RPS3: variants seen among roughly 807,000 people sequenced by gnomAD.
The protein encoded by RPS3 is small ribosomal subunit protein uS3.
Under a neutral mutation model 25.8 loss-of-function variants are expected in RPS3, and 2 were observed. The observed-to-expected ratio is 0.08, with a 90% CI of 0.03 to 0.24. The LOEUF is 0.24. Ranked by LOEUF, RPS3 falls within the 10% of genes least tolerant of loss-of-function variation. The probability of loss-of-function intolerance (pLI) is 1.00; values close to 1 mark genes in which losing one functional copy is unlikely to be tolerated. For synonymous variants in RPS3, 114 were observed against 114.2 expected, an observed-to-expected ratio of 1.00 and a Z score of 0.01; for missense variants, 107 against 307.1, an observed-to-expected ratio of 0.35 and a Z score of 4.87.
intron 6 of RPS3, among the ~76,000 whole-genome samples, chr11:75,416,645 AC>A (rs1948402178): frequency 6.6e-6 from 1 of 151,866 alleles, no homozygotes; most frequent in African/African-American, 2.4e-5. Context: ...TTTAGTAGAG[AC>A]GGGGTTTCAC....
downstream of RPS3, among the ~76,000 whole-genome samples, chr11:75,408,467 T>G (rs142597686): frequency 3.3e-3 from 501 of 150,316 alleles, 7 homozygotes; most frequent in African/African-American, 0.012. Flanking sequence ...TGACAGACCC[T>G]GTCTCAAAAA....
At chr11:75,405,201 C>T (rs1340400321) in intron 6 of RPS3, 7 of 194,520 alleles carry the variant, frequency 3.6e-5, no homozygotes, top group Non-Finnish European at 7.4e-5. Flanking sequence ...CTCAGCCTCC[C>T]GAGTAGCTGG....
At chr11:75,405,086 C>T (rs182636819) in intron 6 of RPS3, 14 of 408,032 alleles carry the variant, frequency 3.4e-5, no homozygotes, top group African/African-American at 2.9e-4. Flanking sequence ...GAAGTTCCTG[C>T]TTTTACTCGT....
chr11:75,404,215 G>A lies in RPS3; in HGVS notation c.538+8G>A, dbSNP rs777197154. 6.2e-7 allele frequency: 1 copy of A among 1,608,838 alleles called. No homozygotes were observed. The highest frequency in any genetic ancestry group is 8.5e-7 in the Non-Finnish European group (1 of 1,176,002). ...ACGTGTTGCTCAGACAGGGTGAGCA[G>A]CTGAGAGTGCTTGGCAAAGGGCATT... On this transcript the variant is annotated splice_region_variant and intron_variant, in intron 5 of 6. Transcript: ENST00000531188. This position sits in a 1 kb window ranked among gnomAD's most constrained non-coding sequence, Gnocchi z 4.6.
At chr11:75,413,484 C>T (rs2135068178) in intron 6 of RPS3, among the ~76,000 whole-genome samples, 1 of 152,016 alleles carries the variant, frequency 6.6e-6, no homozygotes, top group East Asian at 2.0e-4. Context: ...TCTCTATCTC[C>T]TGACCTTGTG....
chr11:75,413,245 A>AT (rs1948371618), intron 6 of RPS3, among the ~76,000 whole-genome samples: 1 of 100,346 alleles, frequency 1.0e-5, no homozygotes, highest in African/African-American at 5.2e-5. Context: ...GTATATATAT[A>AT]TATATTTTTT....
At chr11:75,409,062 A>G (rs1358308170), downstream of RPS3, among the ~76,000 whole-genome samples, 2 of 152,078 alleles carry the variant, frequency 1.3e-5, no homozygotes, top group Non-Finnish European at 2.9e-5. Context: ...TTTCACTGCA[A>G]ACTCCACCTT....
downstream of RPS3, among the ~76,000 whole-genome samples, chr11:75,409,621 ATT>A (rs1400076580): frequency 8.7e-5 from 11 of 126,096 alleles, no homozygotes; most frequent in Admixed American, 8.0e-5. Flanking sequence ...CGATTTCTCA[ATT>A]TTTTCCCCAC....
At chr11:75,415,177 C>G (rs543321206) in intron 6 of RPS3, among the ~76,000 whole-genome samples, 1 of 152,176 alleles carries the variant, frequency 6.6e-6, no homozygotes, top group Admixed American at 6.5e-5. Flanking sequence ...ACTTGAGATG[C>G]GGGGAGAAGC....
At chr11:75,414,637 A>G (rs1948382556) in intron 6 of RPS3, among the ~76,000 whole-genome samples, 1 of 151,972 alleles carries the variant, frequency 6.6e-6, no homozygotes, top group African/African-American at 2.4e-5. Flanking sequence ...TAAATAAAAA[A>G]GGTTATTCTC....
downstream of RPS3, among the ~76,000 whole-genome samples, chr11:75,409,482 CAG>C (rs1199514384): frequency 1.6e-5 from 2 of 128,046 alleles, no homozygotes; most frequent in African/African-American, 6.0e-5. Flanking sequence ...GCACATGTTT[CAG>C]AGAGCACAGG....
chr11:75,401,802 G>C, intron 3 of RPS3, 69 bp downstream of exon 3: 1 of 886,376 alleles, frequency 1.1e-6, no homozygotes, highest in Non-Finnish European at 1.9e-6. Flanking sequence ...CTCTCAACTT[G>C]GAGACTTTAA....
chr11:75,417,967 C>T (rs1173245900), intron 6 of RPS3, among the ~76,000 whole-genome samples: 2 of 152,204 alleles, frequency 1.3e-5, no homozygotes, highest in Non-Finnish European at 2.9e-5. Context: ...AGCCTCGGCC[C>T]GGATCAAGAT....
downstream of RPS3, among the ~76,000 whole-genome samples, chr11:75,409,287 C>G (rs1225060700): frequency 1.4e-5 from 2 of 142,742 alleles, no homozygotes; most frequent in Admixed American, 7.1e-5. Flanking sequence ...AGCAGATAAA[C>G]AAGTGAACAA....
chr11:75,417,732 G>A (rs1240623146), intron 6 of RPS3, among the ~76,000 whole-genome samples: 1 of 152,222 alleles, frequency 6.6e-6, no homozygotes, highest in Non-Finnish European at 1.5e-5. Flanking sequence ...CCCCTCCTGG[G>A]CCCTCCTGAC....
At chr11:75,401,443 A>C (rs1290770536) in intron 2 of RPS3, among the ~76,000 whole-genome samples, 197 bp from the exon 3 acceptor site, 1 of 152,052 alleles carries the variant, frequency 6.6e-6, no homozygotes, top group Admixed American at 6.6e-5. Context: ...GGCTGCAGTG[A>C]GCCATTGGTG....
intron 6 of RPS3, among the ~76,000 whole-genome samples, chr11:75,420,014 A>C (rs561696081): frequency 6.6e-6 from 1 of 152,314 alleles, no homozygotes; most frequent in East Asian, 1.9e-4. Flanking sequence ...TCAAAAACTA[A>C]ATTTGAGTTC....
intron 2 of RPS3, among the ~76,000 whole-genome samples, chr11:75,401,110 C>G (rs1483973390): frequency 6.6e-6 from 1 of 152,144 alleles, no homozygotes; most frequent in African/African-American, 2.4e-5. Flanking sequence ...TCTGGATCTC[C>G]TGACCTCGTG....
At chr11:75,400,551 C>A in intron 1 of RPS3, 143 bp from the exon 2 acceptor site, 1 of 1,208,866 alleles carries the variant, frequency 8.3e-7, no homozygotes, top group Non-Finnish European at 1.2e-6. Context: ...TGCTGCACTC[C>A]TGTTGGAACA....
Sources: allele counts gnomAD v4.1 joint callset (sites outside exome capture counted in the v4.1 genomes callset), GRCh38; gene constraint gnomAD v4.1.1; non-coding constraint Gnocchi (gnomAD v3.1); transcripts MANE v1.5; gene names NCBI Gene and HGNC (gene_info 2026-07-23, HGNC 2026-07-21).